The following CDC42BPB variants were observed in gnomAD, a reference collection of about 807,000 sequenced individuals.
CDC42BPB encodes the protein serine/threonine-protein kinase MRCK beta.
CDC42BPB carries 37 observed loss-of-function variants against 214.9 expected under a neutral mutation model. The observed-to-expected ratio is 0.17, with a 90% CI of 0.13 to 0.23. The LOEUF (loss-of-function observed/expected upper bound fraction) is 0.23. Among genes scored for constraint, CDC42BPB ranks in the 10% least tolerant of loss-of-function variants. The pLI, the probability that CDC42BPB is intolerant of heterozygous loss-of-function variation, is 1.00. For synonymous variants in CDC42BPB, 931 were observed against 884.0 expected, an observed-to-expected ratio of 1.05 and a Z score of -0.94; for missense variants, 1,694 against 2,227.0, an observed-to-expected ratio of 0.76 and a Z score of 4.82.
chr14:102,953,025 G>A (rs556420736), intron 23 of CDC42BPB, among the ~76,000 whole-genome samples: 33 of 152,318 alleles, frequency 2.2e-4, no homozygotes, highest in Non-Finnish European at 3.2e-4. Flanking sequence ...AAGAATCACC[G>A]ACAGGAGGAC....
chr14:102,935,552 G>T (rs984163405), intron 36 of CDC42BPB, among the ~76,000 whole-genome samples: 1 of 152,166 alleles, frequency 6.6e-6, no homozygotes, highest in Admixed American at 6.5e-5. Context: ...CACTTTGGGA[G>T]GCCAAGGCGG....
intron 1 of CDC42BPB, among the ~76,000 whole-genome samples, chr14:103,050,992 T>C (rs1888572193): frequency 1.3e-5 from 2 of 152,136 alleles, no homozygotes; most frequent in Admixed American, 1.3e-4. Context: ...AGTTCTCTAT[T>C]ACACATCGAT....
At chr14:103,042,349 A>G (rs1481917437) in intron 1 of CDC42BPB, among the ~76,000 whole-genome samples, 2 of 151,712 alleles carry the variant, frequency 1.3e-5, no homozygotes, top group Non-Finnish European at 2.9e-5. Flanking sequence ...TCACTCTGTC[A>G]CCCAGGCTGG....
chr14:102,978,536 G>A (rs539334072), intron 8 of CDC42BPB, among the ~76,000 whole-genome samples: 1 of 152,352 alleles, frequency 6.6e-6, no homozygotes, highest in African/African-American at 2.4e-5. Flanking sequence ...TGTGTGCAGA[G>A]TCCAACAGTG....
At chr14:102,966,804 A>G (rs1893225938) in intron 17 of CDC42BPB, among the ~76,000 whole-genome samples, 1 of 152,150 alleles carries the variant, frequency 6.6e-6, no homozygotes, top group African/African-American at 2.4e-5. Context: ...CTGAGAACGC[A>G]AGGGGTGTGA....
In CDC42BPB at chr14:102,959,570, T is replaced by C; in HGVS notation, c.2901+61A>G. ...GCCCCATGAGTGGTAAAATCATATA[T>C]GACACTATTTCTAACTTATCATAAA... On this transcript the variant is annotated intron_variant, in intron 21 of 36. Transcript: ENST00000361246. 5.2e-6 allele frequency: 6 copies of C among 1,151,432 alleles called. No individual in the cohort carries two copies. In the South Asian group the frequency reaches 8.2e-5, roughly 16 times the overall value. The allele number at this position is 1,151,432 out of a possible 1,614,324, so 71.3% of individuals were successfully genotyped here.
In CDC42BPB at chr14:102,944,618, C is replaced by A. The variant is rs1387932464; in HGVS notation, c.3812-131G>T. On this transcript the variant is annotated intron_variant, in intron 29 of 36. Coordinates refer to ENST00000361246, the MANE Select transcript of CDC42BPB (RefSeq NM_006035.4). The surrounding 1 kb of genome is among the most constrained non-coding windows in gnomAD (Gnocchi z 6.6). ...CTGGGCTCCCTTCCTGTGTGCACAG[C>A]CTGAGCCCGGCCCTGAGCCCGTCTC... The A allele has an allele frequency of 1.4e-6, 2 of 1,458,310 alleles. No homozygotes were observed. Among genetic ancestry groups the A allele is most frequent in the African/African-American group, 2.9e-5 (2 of 70,042 alleles). 90.3% of individuals were successfully genotyped at this position (1,458,310 alleles called of 1,614,324 possible).
At position 102,980,968 on chromosome 14, in the gene CDC42BPB, G is replaced by A. The variant is rs747460280; in HGVS notation, c.945C>T (p.Asp315=). ...TACTGCAGATCAGTCTCTGGATGAG[G>A]TCCTTCGCTTCTTCAGATACATCCG... ...HVTDVSEEAK[D]LIQRLICSRE... is the part of the protein sequence containing the mutation. The change falls in exon 8 of 37, where the codon GAC becomes GAT. Residue 315 remains aspartate (D), a synonymous_variant. Transcript: ENST00000361246. 1 of 1,614,162 alleles carries A rather than the reference G, an allele frequency of 6.2e-7. No individual in the cohort carries two copies.
chr14:103,020,547 A>C (rs1268372342), intron 1 of CDC42BPB, among the ~76,000 whole-genome samples: 2 of 152,226 alleles, frequency 1.3e-5, no homozygotes, highest in Non-Finnish European at 2.9e-5. Context: ...GATGTGTGCG[A>C]GGGCCCAGGC....
At chr14:103,010,632 G>A (rs892391210) in intron 2 of CDC42BPB, among the ~76,000 whole-genome samples, 4 of 152,214 alleles carry the variant, frequency 2.6e-5, no homozygotes, top group Admixed American at 2.6e-4. Context: ...GACACAGGGC[G>A]TTTCCTTGTT....
chr14:102,962,299 T>A (rs1892997514), intron 20 of CDC42BPB, among the ~76,000 whole-genome samples: 1 of 152,200 alleles, frequency 6.6e-6, no homozygotes, highest in South Asian at 2.1e-4. Flanking sequence ...CAATCCCACT[T>A]CTAGAACTCT....
intron 35 of CDC42BPB, 31 bp from the exon 36 acceptor site, chr14:102,938,205 G>A (rs752235290): frequency 1.2e-6 from 2 of 1,610,534 alleles, no homozygotes; most frequent in South Asian, 2.2e-5. Flanking sequence ...TCCTCTTAGG[G>A]AGAAAGTCAA....
chr14:103,019,634 C>T (rs540635047), intron 1 of CDC42BPB, among the ~76,000 whole-genome samples: 81 of 152,312 alleles, frequency 5.3e-4, no homozygotes, highest in African/African-American at 1.8e-3. Flanking sequence ...ACAGGGGGTT[C>T]GCACCCCTCC....
At chr14:102,946,829 C>A in intron 27 of CDC42BPB, 145 bp from the exon 28 acceptor site, 1 of 1,449,696 alleles carries the variant, frequency 6.9e-7, no homozygotes, top group Non-Finnish European at 9.0e-7. Context: ...CTCCACCTCG[C>A]TGGGCGCCTT....
chr14:102,984,378 G>T (rs1595494182), intron 6 of CDC42BPB, among the ~76,000 whole-genome samples: 1 of 152,102 alleles, frequency 6.6e-6, no homozygotes, highest in South Asian at 2.1e-4. Flanking sequence ...AGCTTCTGGG[G>T]GTACTAAGGC....
In CDC42BPB at chr14:102,938,431, C is replaced by T. The variant is rs371293575; in HGVS notation, c.4828-20G>A. On this transcript the variant is annotated intron_variant, in intron 34 of 36. Coordinates refer to ENST00000361246, the MANE Select transcript of CDC42BPB (RefSeq NM_006035.4). ...AGCACTCTGGGCAGAAATAGCAACA[C>T]GTGAGCATGCTTGGTTGACACCCGG... is the stretch of plus-strand genomic sequence containing the variant. 1.3e-3 allele frequency: 1,932 copies of T among 1,518,150 alleles called. 1 individual carries two copies. The highest frequency in any genetic ancestry group is 1.5e-3 in the Non-Finnish European group (1,740 of 1,137,540). The allele number at this position is 1,518,150 out of a possible 1,614,324, so 94.0% of individuals were successfully genotyped here.
chr14:103,009,343 T>C (rs763356685), intron 2 of CDC42BPB, among the ~76,000 whole-genome samples: 1 of 152,188 alleles, frequency 6.6e-6, no homozygotes, highest in Non-Finnish European at 1.5e-5. Flanking sequence ...CCAGAGACGG[T>C]GTTGAGCCGC....
At chr14:103,017,804 A>G (rs1886548797) in intron 1 of CDC42BPB, among the ~76,000 whole-genome samples, 1 of 152,226 alleles carries the variant, frequency 6.6e-6, no homozygotes, top group African/African-American at 2.4e-5. Flanking sequence ...TCTGCTACAG[A>G]GCAGAGTACC....
intron 1 of CDC42BPB, among the ~76,000 whole-genome samples, chr14:103,053,962 T>G (rs1888800683): frequency 6.6e-6 from 1 of 151,992 alleles, no homozygotes; most frequent in Non-Finnish European, 1.5e-5. Flanking sequence ...CACCTCAGCC[T>G]CCAGAGTAAC....
Sources: allele counts gnomAD v4.1 joint callset (sites outside exome capture counted in the v4.1 genomes callset), GRCh38; gene constraint gnomAD v4.1.1; non-coding constraint Gnocchi (gnomAD v3.1); transcripts MANE v1.5; gene names NCBI Gene and HGNC (gene_info 2026-07-23, HGNC 2026-07-21).